Variants in GRIN3A observed in about 807,000 individuals in gnomAD.
GRIN3A encodes the protein glutamate ionotropic receptor NMDA type subunit 3A, also known as glutamate receptor ionotropic, NMDA 3A.
A neutral mutation model predicts 92.4 loss-of-function variants in GRIN3A; 47 were observed. That is an observed-to-expected ratio of 0.51 (90% CI 0.40 to 0.65). GRIN3A has a LOEUF of 0.65. Among genes scored for constraint, GRIN3A ranks in the 30% least tolerant of loss-of-function variants. The pLI is 0.00. For synonymous variants in GRIN3A, 527 were observed against 540.6 expected, an observed-to-expected ratio of 0.97 and a Z score of 0.35; for missense variants, 1,324 against 1,393.1, an observed-to-expected ratio of 0.95 and a Z score of 0.79.
chr9:101,640,233 G>A (rs1828837817), intron 3 of GRIN3A, among the ~76,000 whole-genome samples: 1 of 152,104 alleles, frequency 6.6e-6, no homozygotes, highest in Admixed American at 6.5e-5. Context: ...TCTAGTGTTT[G>A]CTTATCTTTC....
intron 3 of GRIN3A, among the ~76,000 whole-genome samples, chr9:101,656,135 G>A (rs1230067999): frequency 6.6e-6 from 1 of 152,004 alleles, no homozygotes; most frequent in Non-Finnish European, 1.5e-5. Flanking sequence ...AAGAACAAGG[G>A]TAAAAGGCTT....
intron 6 of GRIN3A, among the ~76,000 whole-genome samples, chr9:101,612,914 G>T (rs538813595): frequency 6.6e-6 from 1 of 152,286 alleles, no homozygotes; most frequent in African/African-American, 2.4e-5. Context: ...ACTCGCTAAG[G>T]TATGTCTATT....
chr9:101,684,802 T>C (rs1478440136), intron 2 of GRIN3A, among the ~76,000 whole-genome samples: 1 of 152,234 alleles, frequency 6.6e-6, no homozygotes, highest in Non-Finnish European at 1.5e-5. Flanking sequence ...AAAAAGATGC[T>C]AAGGAACTCA....
At chr9:101,669,183 C>T (rs1380152119) in intron 3 of GRIN3A, among the ~76,000 whole-genome samples, 1 of 152,132 alleles carries the variant, frequency 6.6e-6, no homozygotes, top group Non-Finnish European at 1.5e-5. Flanking sequence ...CCCCTGAGCT[C>T]TGTTCTAATT....
intron 1 of GRIN3A, among the ~76,000 whole-genome samples, chr9:101,723,911 G>T (rs1755023966): frequency 6.6e-6 from 1 of 152,156 alleles, no homozygotes; most frequent in South Asian, 2.1e-4. Flanking sequence ...TCCCACCAGA[G>T]TAGCTAGATA....
intron 2 of GRIN3A, among the ~76,000 whole-genome samples, chr9:101,683,028 G>C (rs1411431648): frequency 6.6e-6 from 1 of 152,168 alleles, no homozygotes; most frequent in Non-Finnish European, 1.5e-5. Context: ...TATTGTTGAA[G>C]ATTGTTGAAG....
intron 6 of GRIN3A, among the ~76,000 whole-genome samples, chr9:101,589,630 A>G (rs1306717762): frequency 2.0e-5 from 3 of 152,084 alleles, no homozygotes; most frequent in Admixed American, 6.5e-5. Flanking sequence ...TTTTTTTTGA[A>G]AAACTGCTAA....
At chr9:101,637,092 A>AT (rs999725162) in intron 3 of GRIN3A, among the ~76,000 whole-genome samples, 50 of 148,296 alleles carry the variant, frequency 3.4e-4, no homozygotes, top group Admixed American at 6.1e-4. Flanking sequence ...TACACTGGAC[A>AT]TTTTTTTTTT....
At position 101,623,418 on chromosome 9, in the gene GRIN3A, T is replaced by C; in HGVS notation, c.2514A>G (p.Lys838=). ...CTTTGTCCATGATGAAGGCGTCTAGTTTCTCTGGATCATTCCTATATTTAA... is the reference window on the plus strand; with the variant it reads ...CTTTGTCCATGATGAAGGCGTCTAGCTTCTCTGGATCATTCCTATATTTAA... ...GVEYLKNDPE[K]LDAFIMDKAL... Residue 838 remains lysine (K), a synonymous_variant, in exon 5 of 9, where the codon AAA becomes AAG. Coordinates refer to ENST00000361820, the MANE Select transcript of GRIN3A (RefSeq NM_133445.3). 1 of 1,606,178 alleles carries C rather than the reference T, an allele frequency of 6.2e-7. No homozygotes were observed.
rs947312384 is a variant in GRIN3A at position 101,738,499 on chromosome 9, C to G, written c.-520G>C. 2 of 171,308 alleles carry G rather than the reference C, an allele frequency of 1.2e-5. No individual in the cohort carries two copies. Among genetic ancestry groups the G allele is most frequent in the Admixed American group, 1.3e-4 (2 of 15,620 alleles). The allele number at this position is 171,308 out of a possible 1,614,324, so 10.6% of individuals were successfully genotyped here. ...GGTGCGGAAAAGAAGCCAAATCCAC[C>G]TTCCTCCACTGTTGGCCACCCTCCT... On this transcript the variant is annotated 5_prime_UTR_variant, in exon 1 of 9. Coordinates refer to ENST00000361820, the MANE Select transcript of GRIN3A (RefSeq NM_133445.3).
chr9:101,724,443 C>G (rs908703785), intron 1 of GRIN3A, among the ~76,000 whole-genome samples: 2 of 152,158 alleles, frequency 1.3e-5, no homozygotes, highest in Non-Finnish European at 2.9e-5. Flanking sequence ...CCACCCAGAA[C>G]TCCAGCTGAC....
chr9:101,714,455 C>T (rs1390174484), intron 1 of GRIN3A, among the ~76,000 whole-genome samples: 2 of 152,152 alleles, frequency 1.3e-5, no homozygotes, highest in African/African-American at 4.8e-5. Context: ...AAACGATCAA[C>T]AACTATAAAT....
At chr9:101,691,273 T>C (rs1829614765) in intron 1 of GRIN3A, among the ~76,000 whole-genome samples, 1 of 152,134 alleles carries the variant, frequency 6.6e-6, no homozygotes, top group African/African-American at 2.4e-5. Flanking sequence ...GTTGTCTCTA[T>C]GGTGGATGAG....
At chr9:101,686,534 G>A (rs1455539675) in intron 2 of GRIN3A, 62 bp downstream of exon 2, 1 of 1,573,086 alleles carries the variant, frequency 6.4e-7, no homozygotes, top group African/African-American at 1.3e-5. Context: ...GGACAGATAG[G>A]GGAATTTTAC....
rs547716890 is a variant in GRIN3A at position 101,674,010 on chromosome 9, G to A, written c.1305-2903C>T. ...GTAGAGGAGGAAGTGCCAGAGCTGA[G>A]TCTTGAAGAAGGAATTACAGTAAGC... On this transcript the variant is annotated intron_variant, in intron 2 of 8. Coordinates refer to ENST00000361820, the MANE Select transcript of GRIN3A (RefSeq NM_133445.3). Among the ~76,000 whole-genome samples the A allele has an allele frequency of 2.0e-5, 3 of 152,202 alleles. No individual in the cohort carries two copies. In the South Asian group the frequency reaches 6.2e-4, roughly 32 times the overall value.
rs1218826680 is a variant in GRIN3A at position 101,735,514 on chromosome 9, A to G, written c.699+1767T>C. ...GCTGCACACATCCGTTCTAGAACACAACTTCCCTTCTAACTAAGGAACACG... is the reference window on the plus strand; with the variant it reads ...GCTGCACACATCCGTTCTAGAACACGACTTCCCTTCTAACTAAGGAACACG... On this transcript the variant is annotated intron_variant, in intron 1 of 8. Coordinates refer to ENST00000361820, the MANE Select transcript of GRIN3A (RefSeq NM_133445.3). Among the ~76,000 whole-genome samples, 2 of 151,744 alleles carry G rather than the reference A, an allele frequency of 1.3e-5. 1 individual carries two copies. Among genetic ancestry groups the G allele is most frequent in the African/African-American group, 4.8e-5 (2 of 41,388 alleles).
At chr9:101,610,628 CT>C (rs1828352820) in intron 6 of GRIN3A, among the ~76,000 whole-genome samples, 1 of 127,800 alleles carries the variant, frequency 7.8e-6, no homozygotes, top group Non-Finnish European at 1.8e-5. Context: ...TATCTATCAT[CT>C]ATCTATCTAC....
chr9:101,698,262 C>T (rs1829706811), intron 1 of GRIN3A, among the ~76,000 whole-genome samples: 1 of 152,150 alleles, frequency 6.6e-6, no homozygotes, highest in Non-Finnish European at 1.5e-5. Context: ...CATTACTTAG[C>T]ATCTATTGGT....
chr9:101,584,270 T>A (rs1827923119), intron 6 of GRIN3A, among the ~76,000 whole-genome samples: 1 of 152,200 alleles, frequency 6.6e-6, no homozygotes, highest in African/African-American at 2.4e-5. Flanking sequence ...TAAGTAATCA[T>A]TCAAAAAATT....
Sources: gnomAD v4.1 joint callset for allele counts (sites outside exome capture counted in the v4.1 genomes callset) on GRCh38, gnomAD v4.1.1 for gene constraint, MANE v1.5 for transcripts, NCBI Gene and HGNC (gene_info 2026-07-23, HGNC 2026-07-21) for gene names.